Variants in TBC1D9 observed in about 807,000 individuals in gnomAD.
The protein encoded by TBC1D9 is TBC1 domain family member 9A.
In TBC1D9, 63 loss-of-function variants were observed where a neutral mutation model predicts 132.0. The observed-to-expected ratio is 0.48, with a 90% confidence interval of 0.39 to 0.59. The LOEUF (loss-of-function observed/expected upper bound fraction) is 0.59, where lower values mean the gene tolerates loss of function less well. TBC1D9 is among the 20% of genes least tolerant of loss of function. The probability of loss-of-function intolerance (pLI) is 0.00; values close to 1 mark genes in which losing one functional copy is unlikely to be tolerated. For missense variants in TBC1D9, 1,261 were observed against 1,592.7 expected (o/e 0.79, Z 3.54); for synonymous variants, 610 against 609.9 (o/e 1.00, Z 0.00).
intron 9 of TBC1D9, among the ~76,000 whole-genome samples, chr4:140,665,113 A>G (rs559136630): frequency 6.6e-6 from 1 of 151,888 alleles, no homozygotes; most frequent in South Asian, 2.1e-4. Flanking sequence ...TCTCCAGAAA[A>G]AAAAAAAAAA....
chr4:140,748,394 TGCC>T (rs1342698802), intron 1 of TBC1D9, among the ~76,000 whole-genome samples: 1 of 151,694 alleles, frequency 6.6e-6, no homozygotes, highest in Admixed American at 6.6e-5. Flanking sequence ...GTAATTGGAG[TGCC>T]AGAAAGAGAG....
At chr4:140,644,191 G>GAA in intron 13 of TBC1D9, 1 of 340,046 alleles carries the variant, frequency 2.9e-6, no homozygotes, top group Non-Finnish European at 5.7e-6. Context: ...GGATACCTGG[G>GAA]CGGCATATCT....
intron 1 of TBC1D9, among the ~76,000 whole-genome samples, chr4:140,732,368 G>A (rs1239508384): frequency 1.3e-5 from 2 of 152,064 alleles, no homozygotes; most frequent in Non-Finnish European, 2.9e-5. Flanking sequence ...AAACACTAAT[G>A]GATATCTTTG....
rs1738007151 is a variant in TBC1D9, at chr4:140,698,293, T to C, written c.241+3211A>G. 2.6e-5 allele frequency among the ~76,000 whole-genome samples: 4 copies of C among 152,254 alleles called. No individual in the cohort carries two copies. In the South Asian group the frequency reaches 8.3e-4, roughly 32 times the overall value. On this transcript the variant is annotated intron_variant, in intron 2 of 20. Coordinates refer to ENST00000442267, the MANE Select transcript of TBC1D9 (RefSeq NM_015130.3). ...AGAGTCCCAGCTTCCTCTTCCTTAA[T>C]CCTTTATCACCTTCCTCTCACTCAA...
At chr4:140,632,644 T>A (rs1429529557) in intron 16 of TBC1D9, among the ~76,000 whole-genome samples, 1 of 152,196 alleles carries the variant, frequency 6.6e-6, no homozygotes, top group Non-Finnish European at 1.5e-5. Context: ...TCTGAGCTTC[T>A]ATTTCTTTAG....
rs111464595 is a variant in TBC1D9 at position 140,715,496 on chromosome 4, C to T, written c.131-13882G>A. ...GTTCCTTATAACCCAAAGTGACCAA[C>T]AAAAACCCTAACTAACCCCTTTGGC... is the stretch of plus-strand genomic sequence containing the variant. On this transcript the variant is annotated intron_variant, in intron 1 of 20. Coordinates refer to ENST00000442267, the MANE Select transcript of TBC1D9 (RefSeq NM_015130.3). Among the ~76,000 whole-genome samples, 641 of 152,286 alleles carry T rather than the reference C, an allele frequency of 4.2e-3. 3 individuals carry two copies. Among genetic ancestry groups the T allele is most frequent in the African/African-American group, 0.014 (601 of 41,556 alleles).
chr4:140,710,459 AAG>A (rs1348966848), intron 1 of TBC1D9, among the ~76,000 whole-genome samples: 1 of 152,172 alleles, frequency 6.6e-6, no homozygotes, highest in Non-Finnish European at 1.5e-5. Context: ...AATGCTCAAC[AAG>A]AGAGAGAGAA....
At chr4:140,710,458 C>A (rs939942207) in intron 1 of TBC1D9, among the ~76,000 whole-genome samples, 5 of 152,134 alleles carry the variant, frequency 3.3e-5, no homozygotes, top group Non-Finnish European at 7.3e-5. Context: ...AAATGCTCAA[C>A]AAGAGAGAGA....
At chr4:140,650,892 TG>T (rs1365987058) in intron 13 of TBC1D9, among the ~76,000 whole-genome samples, 3 of 152,138 alleles carry the variant, frequency 2.0e-5, no homozygotes, top group Non-Finnish European at 4.4e-5. Context: ...AAAGGAGACA[TG>T]CTTTTGACAC....
At chr4:140,673,179 A>C (rs1303298986) in intron 6 of TBC1D9, among the ~76,000 whole-genome samples, 1 of 152,150 alleles carries the variant, frequency 6.6e-6, no homozygotes, top group Non-Finnish European at 1.5e-5. Flanking sequence ...AAAAAAAAAA[A>C]AAAATTCCTT....
intron 1 of TBC1D9, among the ~76,000 whole-genome samples, chr4:140,717,827 T>A (rs1738361204): frequency 6.6e-6 from 1 of 152,070 alleles, no homozygotes; most frequent in South Asian, 2.1e-4. Context: ...AGCCATGGTA[T>A]CCCCAGGAGC....
At chr4:140,686,012 AAAT>A (rs1345256755) in intron 3 of TBC1D9, among the ~76,000 whole-genome samples, 1 of 152,336 alleles carries the variant, frequency 6.6e-6, no homozygotes, top group Admixed American at 6.5e-5. Context: ...TAGAAATAAT[AAAT>A]ACTCCATATG....
In TBC1D9 at chr4:140,670,736, T is replaced by C. The variant is rs772852163; in HGVS notation, c.1250A>G (p.Asn417Ser). 6.2e-6 allele frequency: 10 copies of C among 1,613,654 alleles called. No individual in the cohort carries two copies. Among genetic ancestry groups the C allele is most frequent in the Admixed American group, 3.3e-5 (2 of 59,992 alleles). ...YSDKEFAGSY[N>S]SSDDEVYSRP... is the part of the protein sequence containing the mutation. ...CCCACAGACCTCATCATCTGAACTG[T>C]TGTAACTTCCTGCAAACTCCTTGTC... is the stretch of plus-strand genomic sequence containing the variant. Residue 417 changes from asparagine (N) to serine (S), a missense_variant, in exon 7 of 21, where the codon AAC becomes AGC. Coordinates refer to ENST00000442267, the MANE Select transcript of TBC1D9 (RefSeq NM_015130.3).
intron 1 of TBC1D9, among the ~76,000 whole-genome samples, chr4:140,724,722 A>C (rs1302743299): frequency 6.6e-6 from 1 of 152,180 alleles, no homozygotes; most frequent in Non-Finnish European, 1.5e-5. Context: ...TTGGTCAATA[A>C]GAAAAGGAGC....
chr4:140,695,340 A>G (rs9995794), intron 2 of TBC1D9, among the ~76,000 whole-genome samples: 56,633 of 151,908 alleles, frequency 0.37, 10,870 homozygotes, highest in African/African-American at 0.45. Context: ...TTCATTTCTG[A>G]AACACAATGA....
At chr4:140,718,682 C>G (rs529361300) in intron 1 of TBC1D9, among the ~76,000 whole-genome samples, 1 of 152,264 alleles carries the variant, frequency 6.6e-6, no homozygotes, top group East Asian at 1.9e-4. Context: ...GAGCACCCAG[C>G]AGTCTAAGGA....
intron 1 of TBC1D9, among the ~76,000 whole-genome samples, chr4:140,750,769 T>C (rs907698506): frequency 6.6e-6 from 1 of 152,142 alleles, no homozygotes; most frequent in Non-Finnish European, 1.5e-5. Context: ...AGCTTTAACA[T>C]CTTTGTTGCT....
chr4:140,696,455 C>CAAAA (rs35713619), intron 2 of TBC1D9, among the ~76,000 whole-genome samples: 6 of 61,586 alleles, frequency 9.7e-5, no homozygotes, highest in Admixed American at 5.1e-4. Flanking sequence ...GAGTCCGTCT[C>CAAAA]AAAAAAAAAA....
At chr4:140,693,721 G>C (rs952355999) in intron 2 of TBC1D9, among the ~76,000 whole-genome samples, 1 of 152,284 alleles carries the variant, frequency 6.6e-6, no homozygotes, top group African/African-American at 2.4e-5. Context: ...TTTAACTATT[G>C]CCCAACTAAC....
Sources: gnomAD v4.1 joint callset for allele counts (sites outside exome capture counted in the v4.1 genomes callset) on GRCh38, gnomAD v4.1.1 for gene constraint, MANE v1.5 for transcripts, NCBI Gene and HGNC (gene_info 2026-07-23, HGNC 2026-07-21) for gene names.